The following TBX19 variants were observed in gnomAD, a reference collection of about 807,000 sequenced individuals.
TBX19 encodes the protein T-box transcription factor 19.
In TBX19, 33 loss-of-function variants were observed where a neutral mutation model predicts 40.9. The observed-to-expected ratio is 0.81, with a 90% confidence interval of 0.61 to 1.08. The LOEUF (loss-of-function observed/expected upper bound fraction) is 1.08. Ranked by LOEUF, TBX19 falls within the 50% of genes least tolerant of loss-of-function variation. The pLI is 0.00. For missense variants in TBX19, 494 were observed against 574.0 expected (o/e 0.86, Z 1.42); for synonymous variants, 220 against 225.0 (o/e 0.98, Z 0.20).
chr1:168,293,450 C>T (rs892981829), intron 3 of TBX19, among the ~76,000 whole-genome samples, 172 bp downstream of exon 3: 2 of 152,098 alleles, frequency 1.3e-5, no homozygotes, highest in African/African-American at 4.8e-5. Context: ...GCTGCTCTCC[C>T]TCCCTCTTGG....
At chr1:168,298,192 T>C (rs987483002) in intron 4 of TBX19, among the ~76,000 whole-genome samples, 6 of 152,088 alleles carry the variant, frequency 3.9e-5, no homozygotes, top group Non-Finnish European at 7.4e-5. Context: ...CGAGACTCCG[T>C]CTCAGAAAAA....
intron 1 of TBX19, among the ~76,000 whole-genome samples, chr1:168,290,276 CTTG>C (rs757442512): frequency 7.2e-5 from 11 of 152,290 alleles, no homozygotes; most frequent in Admixed American, 2.6e-4. Context: ...TGAGAGTAAA[CTTG>C]TTGTTATTAT....
chr1:168,288,868 C>G (rs2102352311), intron 1 of TBX19, among the ~76,000 whole-genome samples: 1 of 152,180 alleles, frequency 6.6e-6, no homozygotes, highest in South Asian at 2.1e-4. Flanking sequence ...TCAAGTGATC[C>G]TCCTGCTTCA....
chr1:168,305,310 A>T, intron 6 of TBX19, 114 bp downstream of exon 6: 1 of 912,844 alleles, frequency 1.1e-6, no homozygotes, highest in Non-Finnish European at 1.8e-6. Flanking sequence ...CCGTCATCTA[A>T]TATACATCTA....
intron 1 of TBX19, among the ~76,000 whole-genome samples, chr1:168,287,219 G>C (rs1648825774): frequency 6.6e-6 from 1 of 152,126 alleles, no homozygotes; most frequent in African/African-American, 2.4e-5. Context: ...CAGCCACTTT[G>C]GTCTTCTCTT....
intron 3 of TBX19, among the ~76,000 whole-genome samples, chr1:168,296,149 T>A (rs1312579636): frequency 6.6e-6 from 1 of 152,126 alleles, no homozygotes; most frequent in East Asian, 1.9e-4. Flanking sequence ...GGCCAGTGTT[T>A]CCTTTGCACC....
At position 168,312,953 on chromosome 1, in the gene TBX19, G is replaced by T. The variant is rs753174094; in HGVS notation, c.1298G>T (p.Gly433Val). ...GCCTCGCATCCCTTCGCGGGCTGGG[G>T]TGGCCCAGGAGCGGGTGGGCACCAT... ...AVASHPFAGW[G>V]GPGAGGHHSP... The change falls in exon 8 of 8, where the codon GGT becomes GTT. Residue 433 changes from glycine to valine, a missense_variant. Transcript: ENST00000367821. The T allele has an allele frequency of 1.9e-6, 3 of 1,614,246 alleles. No homozygotes were observed. Among genetic ancestry groups the T allele is most frequent in the Admixed American group, 1.7e-5 (1 of 60,032 alleles).
intron 3 of TBX19, among the ~76,000 whole-genome samples, chr1:168,294,491 G>A (rs1020165723): frequency 2.0e-5 from 3 of 149,084 alleles, no homozygotes; most frequent in Non-Finnish European, 3.0e-5. Context: ...CTGCCACCAC[G>A]CCTGGCTAAT....
chr1:168,300,002 G>A (rs1022750557), intron 4 of TBX19, among the ~76,000 whole-genome samples: 4 of 152,038 alleles, frequency 2.6e-5, no homozygotes, highest in South Asian at 2.1e-4. Context: ...TTACCTCCTC[G>A]AGATCCACTT....
rs1261583111 is a variant in TBX19 at position 168,308,865 on chromosome 1, A to G, written c.1040A>G (p.Asn347Ser). ...LSVPHTNGPI[N>S]PGPSPYPCLW... ...GTACCCCACACCAACGGACCAATCA[A>G]TCCAGGGCCCAGGTAAGACCAACAC... Residue 347 changes from asparagine to serine, a missense_variant, in exon 7 of 8, where the codon AAT (asparagine) becomes AGT (serine). Coordinates refer to ENST00000367821, the MANE Select transcript of TBX19 (RefSeq NM_005149.3). 4 of 1,613,918 alleles carry G rather than the reference A, an allele frequency of 2.5e-6. No homozygotes were observed. In the East Asian group the frequency reaches 8.9e-5, roughly 36 times the overall value.
chr1:168,306,215 A>G (rs796811393), intron 6 of TBX19, among the ~76,000 whole-genome samples: 20 of 152,322 alleles, frequency 1.3e-4, no homozygotes, highest in African/African-American at 4.6e-4. Flanking sequence ...AATAGCAGAA[A>G]CTGAGCAGTG....
rs1166954054 is a variant in TBX19, at chr1:168,281,096, C to T, written c.6C>T (p.Ala2=). ...GCAAAGTTCGAGAAGTGCCTATGGCCATGAGTGAGCTGGGCACTCGGAAGC... is the reference window on the plus strand; with the variant it reads ...GCAAAGTTCGAGAAGTGCCTATGGCTATGAGTGAGCTGGGCACTCGGAAGC... M[A]MSELGTRKPS... Residue 2 remains alanine (A), a synonymous_variant, in exon 1 of 8, where the codon GCC becomes GCT. Coordinates refer to ENST00000367821, the MANE Select transcript of TBX19 (RefSeq NM_005149.3). The T allele has an allele frequency of 1.9e-6, 3 of 1,614,092 alleles. No homozygotes were observed. The highest frequency in any genetic ancestry group is 3.3e-5 in the Admixed American group (2 of 60,004).
chr1:168,299,056 G>A (rs1649202908), intron 4 of TBX19, among the ~76,000 whole-genome samples: 1 of 150,462 alleles, frequency 6.6e-6, no homozygotes, highest in South Asian at 2.1e-4. Context: ...TGGGATTACA[G>A]GTGGCCACCA....
At chr1:168,295,924 G>T (rs1321036077) in intron 3 of TBX19, among the ~76,000 whole-genome samples, 1 of 152,190 alleles carries the variant, frequency 6.6e-6, no homozygotes, top group African/African-American at 2.4e-5. Flanking sequence ...GGCTGCAGGT[G>T]CTGGACAGTT....
chr1:168,301,343 A>G (rs1572480534), intron 5 of TBX19, among the ~76,000 whole-genome samples: 1 of 151,844 alleles, frequency 6.6e-6, no homozygotes. Flanking sequence ...GCTCACTGCA[A>G]CCTCCGCCTC....
chr1:168,285,289 ACACACACACACC>A (rs1486720325), intron 1 of TBX19, among the ~76,000 whole-genome samples: 1 of 151,190 alleles, frequency 6.6e-6, no homozygotes, highest in African/African-American at 2.5e-5. Context: ...ACACACACAC[ACACACACACACC>A]CCTCTAAAAG....
chr1:168,305,268 A>G lies in TBX19; in HGVS notation c.916+72A>G, dbSNP rs1649374288. The G allele has an allele frequency of 1.7e-5, 24 of 1,444,452 alleles. 1 individual carries two copies. In the South Asian group the frequency reaches 2.7e-4, roughly 16 times the overall value. The allele number at this position is 1,444,452 out of a possible 1,614,324, so 89.5% of individuals were successfully genotyped here. On this transcript the variant is annotated intron_variant, in intron 6 of 7. Coordinates refer to ENST00000367821, the MANE Select transcript of TBX19 (RefSeq NM_005149.3). ...GGGCAGTCAGGAGAAATGGATAAAC[A>G]GCTAGGAAAAGGAGTAGCTAAAGAT...
intron 4 of TBX19, 66 bp downstream of exon 4, chr1:168,297,851 A>T: frequency 1.4e-6 from 2 of 1,387,638 alleles, no homozygotes; most frequent in Non-Finnish European, 2.0e-6. Flanking sequence ...TGTGGAATTT[A>T]TGATTATCTT....
rs138157750 is a variant in TBX19 at position 168,307,194 on chromosome 1, A to T, written c.917-1548A>T. 4.3e-3 allele frequency among the ~76,000 whole-genome samples: 651 copies of T among 152,298 alleles called. 18 individuals carry two copies. Among genetic ancestry groups the T allele is most frequent in the Non-Finnish European group, 9.0e-4 (61 of 68,030 alleles). ...CTTGGAAGTGCCAGATCGTAAAAAG[A>T]AGAGACATGGCCAGGTGTCTTAGTC... On this transcript the variant is annotated intron_variant, in intron 6 of 7. Coordinates refer to ENST00000367821, the MANE Select transcript of TBX19 (RefSeq NM_005149.3).
Sources: allele counts gnomAD v4.1 joint callset (sites outside exome capture counted in the v4.1 genomes callset), GRCh38; gene constraint gnomAD v4.1.1; transcripts MANE v1.5; gene names NCBI Gene and HGNC (gene_info 2026-07-23, HGNC 2026-07-21).